RBFOX1: variants seen among roughly 807,000 people sequenced by gnomAD.
The protein encoded by RBFOX1 is RNA binding protein fox-1 homolog 1.
In RBFOX1, 8 loss-of-function variants were observed where a neutral mutation model predicts 57.7. The observed-to-expected ratio is 0.14, with a 90% CI of 0.08 to 0.25. RBFOX1 has a LOEUF of 0.25. RBFOX1 is among the 10% of genes least tolerant of loss of function. RBFOX1 has a pLI of 1.00. For missense variants in RBFOX1, 611 were observed against 548.5 expected (o/e 1.11, Z -1.14); for synonymous variants, 326 against 222.4 (o/e 1.47, Z -4.15).
chr16:6,426,638 A>C (rs2093937267), intron 2 of RBFOX1, among the ~76,000 whole-genome samples: 1 of 152,166 alleles, frequency 6.6e-6, no homozygotes, highest in South Asian at 2.1e-4. Context: ...CTCAAAAATC[A>C]AAACAAACCT....
intron 1 of RBFOX1, among the ~76,000 whole-genome samples, chr16:5,466,274 C>G (rs1014430313): frequency 1.3e-5 from 2 of 152,184 alleles, no homozygotes; most frequent in Non-Finnish European, 2.9e-5. Context: ...GCAGTGGGCC[C>G]TTGCCATTTT....
chr16:6,523,981 T>A (rs2096544144), intron 2 of RBFOX1, among the ~76,000 whole-genome samples: 1 of 152,224 alleles, frequency 6.6e-6, no homozygotes, highest in Admixed American at 6.5e-5. Flanking sequence ...TCATCCCTCA[T>A]GCATTTATCC....
intron 1 of RBFOX1, among the ~76,000 whole-genome samples, chr16:6,216,719 C>G (rs1039258640): frequency 6.6e-6 from 1 of 152,122 alleles, no homozygotes; most frequent in African/African-American, 2.4e-5. Flanking sequence ...TCTGATCCCA[C>G]TTTTGTTTGT....
intron 4 of RBFOX1, among the ~76,000 whole-genome samples, chr16:5,995,978 A>G (rs574499269): frequency 6.6e-6 from 1 of 152,330 alleles, no homozygotes; most frequent in East Asian, 1.9e-4. Flanking sequence ...TGTGGTTCAT[A>G]GATGGCATCT....
intron 1 of RBFOX1, among the ~76,000 whole-genome samples, chr16:6,084,744 C>G (rs1226300816): frequency 6.6e-6 from 1 of 151,784 alleles, no homozygotes; most frequent in Admixed American, 6.6e-5. Context: ...GAGGGCCCAC[C>G]TCTTCATGGG....
intron 3 of RBFOX1, among the ~76,000 whole-genome samples, chr16:5,615,532 A>G (rs1013261921): frequency 1.3e-5 from 2 of 152,206 alleles, no homozygotes; most frequent in Middle Eastern, 3.2e-3. Flanking sequence ...TTGGAGTGGT[A>G]TTTTGACAAG....
chr16:7,398,545 C>G (rs1446955843), intron 4 of RBFOX1, among the ~76,000 whole-genome samples: 4 of 152,266 alleles, frequency 2.6e-5, no homozygotes, highest in African/African-American at 9.6e-5. Context: ...AATTCAGTCG[C>G]TTACCCAGAT....
chr16:6,909,899 A>C (rs2153429979), intron 3 of RBFOX1, among the ~76,000 whole-genome samples: 1 of 152,144 alleles, frequency 6.6e-6, no homozygotes, highest in African/African-American at 2.4e-5. Context: ...TCCTTTGCTA[A>C]TTCTGTTCGG....
intron 5 of RBFOX1, among the ~76,000 whole-genome samples, chr16:7,575,204 G>C (rs190867997): frequency 1.0e-3 from 152 of 151,856 alleles, no homozygotes; most frequent in Middle Eastern, 3.4e-3. Context: ...GCACGATCTC[G>C]GCTCATTGTA....
At chr16:5,587,831 G>A (rs906128551) in intron 2 of RBFOX1, among the ~76,000 whole-genome samples, 6 of 152,148 alleles carry the variant, frequency 3.9e-5, no homozygotes, top group Non-Finnish European at 7.4e-5. Context: ...AAGAGTTGTC[G>A]TATAAGCCAG....
intron 5 of RBFOX1, among the ~76,000 whole-genome samples, chr16:7,567,000 T>C (rs1314351196): frequency 1.3e-5 from 2 of 151,710 alleles, no homozygotes; most frequent in Non-Finnish European, 2.9e-5. Context: ...CCAAAAATAA[T>C]GGTATCAACA....
chr16:5,982,742 G>T (rs1241702362), intron 4 of RBFOX1, among the ~76,000 whole-genome samples: 1 of 152,132 alleles, frequency 6.6e-6, no homozygotes, highest in African/African-American at 2.4e-5. Flanking sequence ...TCTCCTTACT[G>T]TGCTGTGTTT....
intron 3 of RBFOX1, among the ~76,000 whole-genome samples, chr16:6,668,594 C>T (rs374875109): frequency 6.6e-6 from 1 of 152,150 alleles, no homozygotes; most frequent in Non-Finnish European, 1.5e-5. Flanking sequence ...GCTCGAGAAG[C>T]CTTCTCTGTT....
chr16:6,844,798 C>T (rs1412672329), intron 3 of RBFOX1, among the ~76,000 whole-genome samples: 1 of 152,150 alleles, frequency 6.6e-6, no homozygotes, highest in African/African-American at 2.4e-5. Flanking sequence ...TTTACACTGC[C>T]TCCAACAGTG....
intron 4 of RBFOX1, among the ~76,000 whole-genome samples, chr16:7,106,837 C>G (rs1172074125): frequency 6.6e-6 from 1 of 151,968 alleles, no homozygotes; most frequent in East Asian, 1.9e-4. Flanking sequence ...GATACACAAG[C>G]AAACAAAATA....
intron 4 of RBFOX1, among the ~76,000 whole-genome samples, chr16:7,073,773 G>C (rs1385153774): frequency 6.6e-6 from 1 of 152,124 alleles, no homozygotes; most frequent in East Asian, 1.9e-4. Context: ...TGAGGCAGGA[G>C]GATTGTTTGA....
At chr16:6,472,064 G>C (rs557319059) in intron 2 of RBFOX1, among the ~76,000 whole-genome samples, 5 of 152,124 alleles carry the variant, frequency 3.3e-5, no homozygotes, top group East Asian at 3.9e-4. Flanking sequence ...TCTATATACT[G>C]TTTCGCTGAC....
chr16:6,188,418 CA>C (rs57875210), intron 1 of RBFOX1, among the ~76,000 whole-genome samples: 50,238 of 123,688 alleles, frequency 0.41, 10,697 homozygotes, highest in Non-Finnish European at 0.52. Context: ...TTGTTTTAGC[CA>C]AAAAAAAAAA....
intron 2 of RBFOX1, among the ~76,000 whole-genome samples, chr16:5,586,697 C>T (rs971182993): frequency 1.3e-5 from 2 of 152,140 alleles, no homozygotes; most frequent in Non-Finnish European, 2.9e-5. Context: ...GGGGAACTTG[C>T]TGTATGGCAC....
Sources: gnomAD v4.1 joint callset for allele counts (sites outside exome capture counted in the v4.1 genomes callset) on GRCh38, gnomAD v4.1.1 for gene constraint, MANE v1.5 for transcripts, NCBI Gene and HGNC (gene_info 2026-07-23, HGNC 2026-07-21) for gene names.